The following EPB41 variants were observed in gnomAD, a reference collection of about 807,000 sequenced individuals.
EPB41 encodes the protein erythrocyte membrane protein band 4.1, also known as protein 4.1.
A neutral mutation model predicts 108.0 loss-of-function variants in EPB41; 65 were observed. The ratio of observed to expected loss-of-function variants is 0.60; its 90% CI spans 0.49 to 0.74. The LOEUF is 0.74. Ranked by LOEUF, EPB41 falls within the 30% of genes least tolerant of loss-of-function variation. EPB41 has a pLI of 0.00. For missense variants in EPB41, 875 were observed against 1,037.0 expected, an observed-to-expected ratio of 0.84 and a Z score of 2.15; for synonymous variants, 336 against 358.9, an observed-to-expected ratio of 0.94 and a Z score of 0.72.
intron 1 of EPB41, among the ~76,000 whole-genome samples, chr1:28,969,073 A>C (rs1205610063): frequency 6.7e-6 from 1 of 149,870 alleles, no homozygotes; most frequent in Non-Finnish European, 1.5e-5. Context: ...TGGACATGCA[A>C]TCATGCCGTA....
intron 16 of EPB41, among the ~76,000 whole-genome samples, chr1:29,079,289 G>T (rs1037496559): frequency 1.3e-5 from 2 of 151,802 alleles, no homozygotes; most frequent in Non-Finnish European, 2.9e-5. Flanking sequence ...GAGCCCCCTC[G>T]CCCCGCCAGA....
chr1:29,052,992 C>A (rs1352984092), intron 11 of EPB41, 112 bp from the exon 12 acceptor site: 4 of 1,164,234 alleles, frequency 3.4e-6, no homozygotes, highest in African/African-American at 3.0e-5. Flanking sequence ...GCCCACTACA[C>A]ACTCTAACAT....
intron 1 of EPB41, among the ~76,000 whole-genome samples, chr1:28,896,967 A>C (rs1490580684): frequency 6.6e-6 from 1 of 152,186 alleles, no homozygotes; most frequent in East Asian, 1.9e-4. Context: ...GCTGAGGGAC[A>C]TATCTGGGAG....
In EPB41 at chr1:29,070,679, G is replaced by C. The variant is rs1196504101; in HGVS notation, c.2184+5521G>C. 11 of 1,231,340 alleles carry C rather than the reference G, an allele frequency of 8.9e-6. No individual in the cohort carries two copies. The East Asian group carries it at 3.5e-4, about 39-fold the overall frequency. 76.3% of individuals were successfully genotyped at this position (1,231,340 alleles called of 1,614,324 possible). Reference sequence around the variant, plus strand: ...TGAACTTCTGTCCTTGGCTTCAACTGTGTTATTGCTGTATGATGCCCTCTG... The same window carrying C: ...TGAACTTCTGTCCTTGGCTTCAACTCTGTTATTGCTGTATGATGCCCTCTG... On this transcript the variant is annotated intron_variant, in intron 16 of 20. Transcript: ENST00000343067.
intron 1 of EPB41, among the ~76,000 whole-genome samples, chr1:28,946,191 A>G (rs1440630906): frequency 6.6e-6 from 1 of 151,162 alleles, no homozygotes; most frequent in Non-Finnish European, 1.5e-5. Flanking sequence ...AACATTGTCT[A>G]CTTCAACTTC....
intron 16 of EPB41, among the ~76,000 whole-genome samples, chr1:29,091,233 CTTGA>C (rs994765285): frequency 6.6e-6 from 1 of 152,158 alleles, no homozygotes; most frequent in African/African-American, 2.4e-5. Context: ...TTGGCTCTTA[CTTGA>C]TTATCTTAGG....
intron 1 of EPB41, among the ~76,000 whole-genome samples, chr1:28,970,064 A>C (rs2095458974): frequency 2.0e-5 from 3 of 152,350 alleles, no homozygotes; most frequent in African/African-American, 7.2e-5. Context: ...AGCTTAGTCA[A>C]TAATTTTATT....
At chr1:29,067,642 G>A (rs1336996662) in intron 16 of EPB41, among the ~76,000 whole-genome samples, 8 of 149,392 alleles carry the variant, frequency 5.4e-5, no homozygotes, top group Admixed American at 4.7e-4. Context: ...ACTCCAGCCT[G>A]GGCAACGGCA....
chr1:28,990,036 C>G (rs962808180), intron 2 of EPB41, among the ~76,000 whole-genome samples: 1 of 152,018 alleles, frequency 6.6e-6, no homozygotes, highest in Non-Finnish European at 1.5e-5. Flanking sequence ...GCAGGCGAAT[C>G]ACAAGGTCAG....
chr1:29,049,611 G>A lies in EPB41; in HGVS notation c.1637-3493G>A, dbSNP rs569321474. ...CCTCTGATAAAAGAACCACCCTACC[G>A]CATACTAGCAGAAATTGTGCTAGTA... On this transcript the variant is annotated intron_variant, in intron 11 of 20. Coordinates refer to ENST00000343067, the MANE Select transcript of EPB41 (RefSeq NM_001376013.1). Among the ~76,000 whole-genome samples, 442 of 152,192 alleles carry A rather than the reference G, an allele frequency of 2.9e-3. 3 individuals carry two copies. Among genetic ancestry groups the A allele is most frequent in the African/African-American group, 0.01 (422 of 41,520 alleles).
chr1:29,064,924 G>C, intron 15 of EPB41, 58 bp from the exon 16 acceptor site: 1 of 1,609,932 alleles, frequency 6.2e-7, no homozygotes, highest in Non-Finnish European at 8.5e-7. Context: ...GGTTGCCCTT[G>C]ATTATGTTCT....
At chr1:28,995,814 G>A (rs893962895) in intron 3 of EPB41, among the ~76,000 whole-genome samples, 3 of 152,018 alleles carry the variant, frequency 2.0e-5, no homozygotes, top group Non-Finnish European at 4.4e-5. Context: ...AGGGATTAGG[G>A]AAAATACATG....
In EPB41 at chr1:29,117,445, C is replaced by G. The variant is rs1178307368; in HGVS notation, c.*633C>G. ...GCTGAGAATGTAGTATTGTTTTTCC[C>G]CTCTCCCTCCTGCTTTCTTTTTGGA... is the stretch of plus-strand genomic sequence containing the variant. On this transcript the variant is annotated 3_prime_UTR_variant, in exon 21 of 21. Coordinates refer to ENST00000343067, the MANE Select transcript of EPB41 (RefSeq NM_001376013.1). The G allele has an allele frequency of 6.6e-6, 1 of 152,620 alleles. No homozygotes were observed. The highest frequency in any genetic ancestry group is 6.5e-5 in the Admixed American group (1 of 15,274). The allele number at this position is 152,620 out of a possible 1,614,324, so 9.5% of individuals were successfully genotyped here.
intron 1 of EPB41, among the ~76,000 whole-genome samples, chr1:28,934,773 G>A (rs971939494): frequency 3.3e-5 from 5 of 150,506 alleles, no homozygotes; most frequent in African/African-American, 1.2e-4. Flanking sequence ...TTTCCTGCCC[G>A]GCTCCTAGAA....
chr1:29,081,847 A>AC (rs1362117198), intron 16 of EPB41, among the ~76,000 whole-genome samples: 2 of 151,720 alleles, frequency 1.3e-5, no homozygotes, highest in Non-Finnish European at 2.9e-5. Flanking sequence ...AAAAAAAAAA[A>AC]AAAAACCTAA....
At chr1:28,945,525 A>G (rs2094459857) in intron 1 of EPB41, among the ~76,000 whole-genome samples, 1 of 152,190 alleles carries the variant, frequency 6.6e-6, no homozygotes, top group East Asian at 1.9e-4. Context: ...TGTAACTTTT[A>G]TACTGCAACC....
chr1:29,084,297 T>C (rs1239066813), intron 16 of EPB41, among the ~76,000 whole-genome samples: 1 of 152,222 alleles, frequency 6.6e-6, no homozygotes, highest in Non-Finnish European at 1.5e-5. Context: ...AATAAAAGTT[T>C]TATGTGTTAA....
chr1:28,990,296 T>TTTCCTTCCTTCCTTCCTTCCTTCCTTCC (rs201526830), intron 2 of EPB41, among the ~76,000 whole-genome samples: 1,091 of 44,020 alleles, frequency 0.025, 113 homozygotes, highest in Non-Finnish European at 0.029. Context: ...GTTTTTCAAA[T>TTTCCTTCCTTCCTTCCTTCCTTCCTTCC]TTCCTTCCTT....
intron 1 of EPB41, among the ~76,000 whole-genome samples, chr1:28,953,837 T>C (rs746349671): frequency 3.9e-5 from 6 of 152,222 alleles, no homozygotes; most frequent in South Asian, 4.1e-4. Context: ...TCAAAATCAC[T>C]TGGAAGGCTT....
Sources: gnomAD v4.1 joint callset for allele counts (sites outside exome capture counted in the v4.1 genomes callset) on GRCh38, gnomAD v4.1.1 for gene constraint, MANE v1.5 for transcripts, NCBI Gene and HGNC (gene_info 2026-07-23, HGNC 2026-07-21) for gene names.